Variants in NEMP2 observed in about 807,000 individuals in gnomAD.
The protein encoded by NEMP2 is nuclear envelope integral membrane protein 2, also known as UPF0571 transmembrane protein.
Under a neutral mutation model 54.2 loss-of-function variants are expected in NEMP2, and 53 were observed. The ratio of observed to expected loss-of-function variants is 0.98; its 90% confidence interval spans 0.78 to 1.23. The LOEUF (loss-of-function observed/expected upper bound fraction) is 1.23, where lower values mean the gene tolerates loss of function less well. Ranked by LOEUF, NEMP2 falls within the 50% of genes most tolerant of loss-of-function variation. The pLI, the probability that NEMP2 is intolerant of heterozygous loss-of-function variation, is 0.00. For missense variants in NEMP2, 455 were observed against 511.3 expected (o/e 0.89, Z 1.06); for synonymous variants, 197 against 190.3 (o/e 1.04, Z -0.29).
chr2:190,561,913 T>C, the NEMP2 span, among the ~76,000 whole-genome samples: 1 of 152,310 alleles, frequency 6.6e-6, no homozygotes, highest in South Asian at 2.1e-4. This position sits in a 1 kb window ranked among gnomAD's most constrained non-coding sequence, Gnocchi z 5.4. Context: ...ACTTTTAAAA[T>C]TTTTTAAAAT....
chr2:190,433,501 A>G, the NEMP2 span: 1 of 152,364 alleles, frequency 6.6e-6, no homozygotes, highest in South Asian at 2.1e-4. This position sits in a 1 kb window ranked among gnomAD's most constrained non-coding sequence, Gnocchi z 4.5. Context: ...CACTATTAAG[A>G]AAAACCTGAT....
the NEMP2 span, among the ~76,000 whole-genome samples, chr2:190,423,046 C>T: frequency 6.6e-6 from 1 of 152,172 alleles, no homozygotes; most frequent in Non-Finnish European, 1.5e-5. The surrounding 1 kb of genome is among the most constrained non-coding windows in gnomAD (Gnocchi z 4.3). Context: ...AGGGTAACCC[C>T]TATCCTAACT....
At chr2:190,596,871 T>TCATTCACC in the NEMP2 span, among the ~76,000 whole-genome samples, 1 of 152,338 alleles carries the variant, frequency 6.6e-6, no homozygotes, top group Admixed American at 6.5e-5. This position sits in a 1 kb window ranked among gnomAD's most constrained non-coding sequence, Gnocchi z 5.1. Flanking sequence ...CCCAACATAC[T>TCATTCACC]CATTCACCCA....
At chr2:190,597,263 C>CAAA in the NEMP2 span, among the ~76,000 whole-genome samples, 58 of 114,260 alleles carry the variant, frequency 5.1e-4, no homozygotes, top group East Asian at 1.4e-3. This position sits in a 1 kb window ranked among gnomAD's most constrained non-coding sequence, Gnocchi z 4.7. Context: ...ACTCTGTCTC[C>CAAA]AAAAAAAAAA....
chr2:190,605,524 A>C, the NEMP2 span, among the ~76,000 whole-genome samples: 1 of 151,812 alleles, frequency 6.6e-6, no homozygotes, highest in Non-Finnish European at 1.5e-5. Context: ...ACAGGCCCCC[A>C]CCACCACACC....
the NEMP2 span, among the ~76,000 whole-genome samples, chr2:190,542,628 T>A: frequency 1.7e-3 from 263 of 152,332 alleles, 4 homozygotes; most frequent in South Asian, 9.3e-3. This position sits in a 1 kb window ranked among gnomAD's most constrained non-coding sequence, Gnocchi z 4.6. Context: ...GTCTTCAGGC[T>A]CACTGATTCT....
At chr2:190,632,323 G>C in the NEMP2 span, among the ~76,000 whole-genome samples, 2 of 152,180 alleles carry the variant, frequency 1.3e-5, no homozygotes, top group African/African-American at 4.8e-5. The surrounding 1 kb of genome is among the most constrained non-coding windows in gnomAD (Gnocchi z 4.8). Flanking sequence ...TACAATTATA[G>C]GTCTCTTGGA....
chr2:190,547,628 C>T, the NEMP2 span, among the ~76,000 whole-genome samples: 1 of 152,312 alleles, frequency 6.6e-6, no homozygotes, highest in South Asian at 2.1e-4. This position sits in a 1 kb window ranked among gnomAD's most constrained non-coding sequence, Gnocchi z 6.2. Flanking sequence ...TGGGTTCAAG[C>T]GATTCTCGTG....
chr2:190,534,772 G>T, upstream of NEMP2: 1 of 720,464 alleles, frequency 1.4e-6, no homozygotes, highest in Non-Finnish European at 1.9e-6. Context: ...CCGAACGCGG[G>T]AAAGGCGGAG....
the NEMP2 span, among the ~76,000 whole-genome samples, chr2:190,543,049 T>C: frequency 6.6e-6 from 1 of 152,246 alleles, no homozygotes; most frequent in East Asian, 1.9e-4. The surrounding 1 kb of genome is among the most constrained non-coding windows in gnomAD (Gnocchi z 4.7). Context: ...AGATTCTTTG[T>C]AATTTATTTA....
the NEMP2 span, among the ~76,000 whole-genome samples, chr2:190,586,291 A>G: frequency 1.3e-5 from 2 of 152,176 alleles, no homozygotes; most frequent in Non-Finnish European, 2.9e-5. The surrounding 1 kb of genome is among the most constrained non-coding windows in gnomAD (Gnocchi z 4.5). Flanking sequence ...ATACTCAATG[A>G]TGAATGAATG....
At chr2:190,585,205 T>A in the NEMP2 span, among the ~76,000 whole-genome samples, 1 of 152,242 alleles carries the variant, frequency 6.6e-6, no homozygotes, top group African/African-American at 2.4e-5. The surrounding 1 kb of genome is among the most constrained non-coding windows in gnomAD (Gnocchi z 5.3). Flanking sequence ...TTTATCTAAA[T>A]CTTTCTTTAT....
rs1416539805 is a variant in NEMP2 at position 190,504,839 on chromosome 2, T to C, written c.*4350A>G. 6.6e-6 allele frequency: 1 copy of C among 152,190 alleles called. No homozygotes were observed. The highest frequency in any genetic ancestry group is 1.5e-5 in the Non-Finnish European group (1 of 68,036). 9.4% of individuals were successfully genotyped at this position (152,190 alleles called of 1,614,324 possible). ...CCAGTGCTACTCAAAGTGTGCTCAATGACTGGTGCTGTCAAACTACTGCTG... is the reference window on the plus strand; with the variant it reads ...CCAGTGCTACTCAAAGTGTGCTCAACGACTGGTGCTGTCAAACTACTGCTG... On this transcript the variant is annotated 3_prime_UTR_variant, in exon 9 of 9. Coordinates refer to ENST00000409150, the MANE Select transcript of NEMP2 (RefSeq NM_001142645.2). This position sits in a 1 kb window ranked among gnomAD's most constrained non-coding sequence, Gnocchi z 5.6.
the NEMP2 span, among the ~76,000 whole-genome samples, chr2:190,476,872 C>T: frequency 6.6e-6 from 1 of 151,906 alleles, no homozygotes; most frequent in African/African-American, 2.4e-5. Context: ...TACTATGCAG[C>T]CATAAAAAAT....
the NEMP2 span, among the ~76,000 whole-genome samples, chr2:190,424,870 T>G: frequency 2.0e-5 from 3 of 152,244 alleles, no homozygotes; most frequent in South Asian, 6.2e-4. The surrounding 1 kb of genome is among the most constrained non-coding windows in gnomAD (Gnocchi z 5.9). Flanking sequence ...CTTTAGCTAT[T>G]CGTTTCTTTC....
the NEMP2 span, among the ~76,000 whole-genome samples, chr2:190,449,384 G>C: frequency 1.3e-5 from 2 of 152,020 alleles, no homozygotes; most frequent in African/African-American, 4.8e-5. Flanking sequence ...TGAGGCAGGA[G>C]AATCACTTGA....
the NEMP2 span, among the ~76,000 whole-genome samples, chr2:190,495,548 T>G: frequency 6.6e-6 from 1 of 152,158 alleles, no homozygotes; most frequent in South Asian, 2.1e-4. This position sits in a 1 kb window ranked among gnomAD's most constrained non-coding sequence, Gnocchi z 4.7. Context: ...AAAGTGAGAC[T>G]AAGCAAAAAG....
At chr2:190,560,924 A>G in the NEMP2 span, among the ~76,000 whole-genome samples, 4 of 152,246 alleles carry the variant, frequency 2.6e-5, no homozygotes, top group African/African-American at 9.6e-5. This position sits in a 1 kb window ranked among gnomAD's most constrained non-coding sequence, Gnocchi z 5.4. Context: ...TGTTGGTACA[A>G]TATCATTAGA....
In NEMP2 at chr2:190,522,222, A is replaced by G. The variant is rs539019134; in HGVS notation, c.214-3039T>C. ...GAAACAACAGACAACTGGGGACTTC[A>G]GAAGGTGGTTGGGAGAGGGGCAAGG... On this transcript the variant is annotated intron_variant, in intron 2 of 8. Transcript: ENST00000409150. The surrounding 1 kb of genome is among the most constrained non-coding windows in gnomAD (Gnocchi z 5.0). 6.6e-6 allele frequency among the ~76,000 whole-genome samples: 1 copy of G among 152,312 alleles called. No homozygotes were observed. Among genetic ancestry groups the G allele is most frequent in the South Asian group, 2.1e-4 (1 of 4,830 alleles).
Sources: gnomAD v4.1 joint callset for allele counts (sites outside exome capture counted in the v4.1 genomes callset) on GRCh38, gnomAD v4.1.1 for gene constraint, Gnocchi (gnomAD v3.1) non-coding constraint, MANE v1.5 for transcripts, NCBI Gene and HGNC (gene_info 2026-07-23, HGNC 2026-07-21) for gene names.